Variants in FARP1 observed in about 807,000 individuals in gnomAD.
FARP1 encodes the protein FERM, ARH/RhoGEF and pleckstrin domain protein 1, also known as FERM, ARHGEF and pleckstrin domain-containing protein 1.
In FARP1, 52 loss-of-function variants were observed where a neutral mutation model predicts 128.8. That is an observed-to-expected ratio of 0.40 (90% CI 0.32 to 0.51). The LOEUF (loss-of-function observed/expected upper bound fraction) is 0.51, where lower values mean the gene tolerates loss of function less well. Ranked by LOEUF, FARP1 falls within the 20% of genes least tolerant of loss-of-function variation. The pLI, the probability that FARP1 is intolerant of heterozygous loss-of-function variation, is 0.45. For missense variants in FARP1, 1,333 were observed against 1,367.9 expected, an observed-to-expected ratio of 0.97 and a Z score of 0.40; for synonymous variants, 580 against 551.8, an observed-to-expected ratio of 1.05 and a Z score of -0.72.
intron 11 of FARP1, among the ~76,000 whole-genome samples, chr13:98,392,095 A>G (rs2140060902): frequency 6.6e-6 from 1 of 152,030 alleles, no homozygotes; most frequent in Non-Finnish European, 1.5e-5. Flanking sequence ...TTGAACCACC[A>G]GCTCTGGTAA....
chr13:98,368,763 G>A (rs1889203718), intron 5 of FARP1, among the ~76,000 whole-genome samples: 10 of 152,102 alleles, frequency 6.6e-5, no homozygotes, highest in Admixed American at 6.5e-4. Flanking sequence ...AGGATAAGCA[G>A]TATTATACTA....
chr13:98,326,687 A>G (rs575148901), intron 2 of FARP1, among the ~76,000 whole-genome samples: 2 of 152,344 alleles, frequency 1.3e-5, no homozygotes, highest in East Asian at 3.9e-4. Context: ...TGCAGCTCCA[A>G]TAAACTTTTC....
chr13:98,387,521 G>C (rs1890140462), intron 8 of FARP1, among the ~76,000 whole-genome samples: 1 of 152,194 alleles, frequency 6.6e-6, no homozygotes, highest in South Asian at 2.1e-4. Flanking sequence ...TCTTGCCAGT[G>C]CCCTATTGCT....
chr13:98,344,768 G>C (rs1888110193), intron 3 of FARP1, among the ~76,000 whole-genome samples: 1 of 152,200 alleles, frequency 6.6e-6, no homozygotes, highest in Admixed American at 6.5e-5. Context: ...GAACGGATCT[G>C]TCATGGGCCT....
intron 2 of FARP1, among the ~76,000 whole-genome samples, chr13:98,215,979 C>T (rs918635440): frequency 6.6e-6 from 1 of 152,046 alleles, no homozygotes; most frequent in African/African-American, 2.4e-5. Flanking sequence ...TTAGTAGAGA[C>T]GGGCTTTTAC....
rs558703886 is a variant in FARP1, at chr13:98,340,491, C to T, written c.172-3271C>T. Among the ~76,000 whole-genome samples, 54 of 152,102 alleles carry T rather than the reference C, an allele frequency of 3.6e-4. No homozygotes were observed. In the South Asian group the frequency reaches 5.4e-3, roughly 15 times the overall value. On this transcript the variant is annotated intron_variant, in intron 2 of 26. Coordinates refer to ENST00000319562, the MANE Select transcript of FARP1 (RefSeq NM_005766.4). ...TCCTGAGTAGCTGGGATTACAGGAG[C>T]GGGCCACCACACCCGGGTAATTTTT...
chr13:98,224,526 CAAAAAAAAAAAAAAAAAAA>C (rs1881626456), intron 2 of FARP1, among the ~76,000 whole-genome samples: 1 of 50,274 alleles, frequency 2.0e-5, no homozygotes, highest in African/African-American at 5.8e-5. Flanking sequence ...GACTCTGTCT[CAAAAAAAAAAAAAAAAAAA>C]GAAAAAAAAA....
At chr13:98,213,506 A>G in intron 2 of FARP1, 93 bp downstream of exon 2, 1 of 1,289,864 alleles carries the variant, frequency 7.8e-7, no homozygotes, top group Non-Finnish European at 1.1e-6. Flanking sequence ...CAGTGACATG[A>G]GGCGGCTGGA....
intron 1 of FARP1, among the ~76,000 whole-genome samples, chr13:98,157,497 C>T (rs1411406137): frequency 6.6e-6 from 1 of 152,190 alleles, no homozygotes; most frequent in Admixed American, 6.5e-5. Context: ...AACGTCTCCT[C>T]CCGGGTGCCA....
At position 98,415,555 on chromosome 13, in the gene FARP1, G is replaced by A. The variant is rs1046511253; in HGVS notation, c.1826+3521G>A. ...GCAGGCACATAGGGCACAGAGAGCCGTGTCCTCTCACAGGTGTGGGTGTCA... is the reference window on the plus strand; with the variant it reads ...GCAGGCACATAGGGCACAGAGAGCCATGTCCTCTCACAGGTGTGGGTGTCA... On this transcript the variant is annotated intron_variant, in intron 16 of 26. Transcript: ENST00000319562. Among the ~76,000 whole-genome samples the A allele has an allele frequency of 4.6e-5, 7 of 152,252 alleles. No homozygotes were observed. The East Asian group carries it at 5.8e-4, about 13-fold the overall frequency.
rs531769330 is a variant in FARP1, at chr13:98,334,592, C to T, written c.172-9170C>T. 3.9e-5 allele frequency among the ~76,000 whole-genome samples: 6 copies of T among 152,304 alleles called. No homozygotes were observed. The South Asian group carries it at 6.2e-4, about 16-fold the overall frequency. ...CATAAAATAGCATCTCTAGCCCTTTCATGACTCATGTGCTGTGGACTAAAT... is the reference window on the plus strand; with the variant it reads ...CATAAAATAGCATCTCTAGCCCTTTTATGACTCATGTGCTGTGGACTAAAT... On this transcript the variant is annotated intron_variant, in intron 2 of 26. Transcript: ENST00000319562.
chr13:98,428,651 C>G (rs1389444333), intron 17 of FARP1, among the ~76,000 whole-genome samples: 3 of 152,234 alleles, frequency 2.0e-5, no homozygotes, highest in African/African-American at 7.2e-5. Context: ...TCTCCAGACC[C>G]TGCTCCCAAC....
chr13:98,143,520 G>GCGGCGGGAGGGCGGGGGC (rs996755493), intron 1 of FARP1, 28 bp downstream of exon 1: 2 of 150,222 alleles, frequency 1.3e-5, no homozygotes, highest in Admixed American at 1.3e-4. Flanking sequence ...AACAATGACC[G>GCGGCGGGAGGGCGGGGGC]CGGCGGGAGG....
chr13:98,390,183 C>A, intron 10 of FARP1, 63 bp downstream of exon 10: 2 of 1,544,194 alleles, frequency 1.3e-6, no homozygotes, highest in Non-Finnish European at 1.8e-6. Context: ...CCTCTCACAG[C>A]CGCTGTGACA....
At position 98,161,029 on chromosome 13, in the gene FARP1, T is replaced by G. The variant is rs1253510796; in HGVS notation, c.-24+17537T>G. 2.6e-5 allele frequency among the ~76,000 whole-genome samples: 4 copies of G among 152,084 alleles called. No individual in the cohort carries two copies. In the South Asian group the frequency reaches 8.3e-4, roughly 32 times the overall value. On this transcript the variant is annotated intron_variant, in intron 1 of 26. Coordinates refer to ENST00000319562, the MANE Select transcript of FARP1 (RefSeq NM_005766.4). ...ATGGACTTTATTATTCATAGCAGTT[T>G]TAGGTTCTCAGCAAAATGGAACAGA...
intron 1 of FARP1, among the ~76,000 whole-genome samples, chr13:98,185,525 A>G (rs943962027): frequency 4.6e-5 from 7 of 152,090 alleles, no homozygotes; most frequent in Non-Finnish European, 5.9e-5. Context: ...GCTCTTTAGT[A>G]TGTAATTTTC....
At chr13:98,313,136 A>ACACACACT (rs1159245572) in intron 2 of FARP1, among the ~76,000 whole-genome samples, 1 of 129,934 alleles carries the variant, frequency 7.7e-6, no homozygotes, top group Non-Finnish European at 1.8e-5. Flanking sequence ...ACACACACAC[A>ACACACACT]CACACTCACT....
chr13:98,169,058 AAAAT>A (rs1258031968), intron 1 of FARP1, among the ~76,000 whole-genome samples: 1 of 151,918 alleles, frequency 6.6e-6, no homozygotes, highest in East Asian at 1.9e-4. Context: ...TTCATTTTTT[AAAAT>A]TTGTTTGATT....
rs375690386 is a variant in FARP1 at position 98,246,271 on chromosome 13, A to G, written c.171+32858A>G. ...CCACCTCGCCCGGCTAATTTTTTGTATTTTTAGTAGAGACGGGGTTTCACC... is the reference window on the plus strand; with the variant it reads ...CCACCTCGCCCGGCTAATTTTTTGTGTTTTTAGTAGAGACGGGGTTTCACC... On this transcript the variant is annotated intron_variant, in intron 2 of 26. Coordinates refer to ENST00000319562, the MANE Select transcript of FARP1 (RefSeq NM_005766.4). Among the ~76,000 whole-genome samples the G allele has an allele frequency of 7.6e-4, 109 of 143,118 alleles. 1 individual carries two copies. In the East Asian group the frequency reaches 0.019, roughly 25 times the overall value. 93.9% of individuals were successfully genotyped at this position (143,118 alleles called of 152,430 possible).
Sources: gnomAD v4.1 joint callset for allele counts (sites outside exome capture counted in the v4.1 genomes callset) on GRCh38, gnomAD v4.1.1 for gene constraint, MANE v1.5 for transcripts, NCBI Gene and HGNC (gene_info 2026-07-23, HGNC 2026-07-21) for gene names.